Variants in TMCO6 observed in about 807,000 individuals in gnomAD.
The protein encoded by TMCO6 is transmembrane and coiled-coil domains 6, also known as transmembrane and coiled-coil domain-containing protein 6.
A neutral mutation model predicts 61.8 loss-of-function variants in TMCO6; 47 were observed. The observed-to-expected ratio is 0.76, with a 90% CI of 0.60 to 0.97. The LOEUF (loss-of-function observed/expected upper bound fraction) is 0.97, where lower values mean the gene tolerates loss of function less well. Among genes scored for constraint, TMCO6 ranks in the 50% least tolerant of loss-of-function variants. The probability of loss-of-function intolerance (pLI) is 0.00; values close to 1 mark genes in which losing one functional copy is unlikely to be tolerated. For synonymous variants in TMCO6, 261 were observed against 254.2 expected (o/e 1.03, Z -0.25); for missense variants, 557 against 601.6 (o/e 0.93, Z 0.78).
the TMCO6 span, among the ~76,000 whole-genome samples, chr5:140,612,334 CTTTTTTTTTT>C: frequency 0.25 from 27,960 of 112,514 alleles, 3,159 homozygotes; most frequent in East Asian, 0.33. Context: ...CTTGCCCAAT[CTTTTTTTTTT>C]TTTTTTTTTT....
At chr5:140,609,364 C>T in the TMCO6 span, 4 of 258,790 alleles carry the variant, frequency 1.5e-5, no homozygotes, top group African/African-American at 6.9e-5. Context: ...TGAGCAACAT[C>T]CTGGCCGCCA....
At chr5:140,612,332 A>G in the TMCO6 span, among the ~76,000 whole-genome samples, 3 of 113,696 alleles carry the variant, frequency 2.6e-5, no homozygotes, top group East Asian at 4.7e-4. Flanking sequence ...AACTTGCCCA[A>G]TCTTTTTTTT....
the TMCO6 span, chr5:140,633,177 A>C: frequency 2.2e-4 from 312 of 1,434,572 alleles, 2 homozygotes; most frequent in African/African-American, 3.6e-3. Flanking sequence ...CACACTTGTG[A>C]ACTCTTCGGC....
At chr5:140,600,085 C>T in the TMCO6 span, among the ~76,000 whole-genome samples, 1 of 152,118 alleles carries the variant, frequency 6.6e-6, no homozygotes, top group Non-Finnish European at 1.5e-5. Flanking sequence ...TTATGGAGCT[C>T]TTCCAGGCAC....
At chr5:140,644,822 A>C in intron 11 of TMCO6, 82 bp downstream of exon 11, 1 of 1,569,442 alleles carries the variant, frequency 6.4e-7, no homozygotes, top group Non-Finnish European at 8.7e-7. Flanking sequence ...TCCTAACTAT[A>C]GTTGTTTCTC....
At chr5:140,635,591 G>A (rs1238937309), upstream of TMCO6, among the ~76,000 whole-genome samples, 1 of 152,164 alleles carries the variant, frequency 6.6e-6, no homozygotes. Context: ...TTCAACAAAT[G>A]TCTATCATTT....
At chr5:140,603,086 A>G in the TMCO6 span, among the ~76,000 whole-genome samples, 1 of 151,990 alleles carries the variant, frequency 6.6e-6, no homozygotes, top group African/African-American at 2.4e-5. Context: ...TTGTGCAACC[A>G]TCACTTCTTT....
chr5:140,642,947 C>T lies in TMCO6; in HGVS notation c.712C>T (p.Pro238Ser). ...CAGCTCCATCTTGGCCTCCACTCTC[C>T]CTCAGCACATGCTACAAATGTTGCA... ...IIPSILASTLPQHMLQMLQPG... is the reference protein window; with the variant it reads ...IIPSILASTLSQHMLQMLQPG... The change falls in exon 7 of 12, where the codon CCT becomes TCT. Residue 238 changes from proline (P) to serine (S), a missense_variant. Coordinates refer to ENST00000394671, the MANE Select transcript of TMCO6 (RefSeq NM_018502.5). 1.9e-6 allele frequency: 3 copies of T among 1,614,206 alleles called. No homozygotes were observed. Among genetic ancestry groups the T allele is most frequent in the Non-Finnish European group, 2.5e-6 (3 of 1,180,028 alleles).
rs770999587 is a variant in TMCO6, at chr5:140,641,866, A to T, written c.315-4A>T. ...AAGCAGGGCTCTGGTACTCACTCAC[A>T]TAGGCTGGAGGGCAGCATGCGGACC... is the stretch of plus-strand genomic sequence containing the variant. On this transcript the variant is annotated splice_region_variant and splice_polypyrimidine_tract_variant and intron_variant, in intron 3 of 11. Coordinates refer to ENST00000394671, the MANE Select transcript of TMCO6 (RefSeq NM_018502.5). The T allele has an allele frequency of 6.2e-7, 1 of 1,613,160 alleles. No individual in the cohort carries two copies. The highest frequency in any genetic ancestry group is 8.5e-7 in the Non-Finnish European group (1 of 1,179,128).
At chr5:140,630,355 C>T in the TMCO6 span, among the ~76,000 whole-genome samples, 19 of 152,144 alleles carry the variant, frequency 1.2e-4, no homozygotes, top group East Asian at 2.5e-3. Flanking sequence ...ATCACCACTA[C>T]TGCCTTAGTC....
chr5:140,617,251 C>A, the TMCO6 span, among the ~76,000 whole-genome samples: 1 of 152,020 alleles, frequency 6.6e-6, no homozygotes, highest in Non-Finnish European at 1.5e-5. Flanking sequence ...CATGGTGAAA[C>A]CCCGTCTCTA....
At chr5:140,643,748 C>T (rs1306561369) in intron 8 of TMCO6, 32 bp from the exon 9 acceptor site, 3 of 1,610,568 alleles carry the variant, frequency 1.9e-6, no homozygotes, top group Non-Finnish European at 2.5e-6. Flanking sequence ...CCTCTTCCTT[C>T]TTACACCTGA....
intron 6 of TMCO6, 118 bp from the exon 7 acceptor site, chr5:140,642,807 A>C: frequency 1.3e-6 from 2 of 1,595,502 alleles, no homozygotes; most frequent in Non-Finnish European, 1.7e-6. Context: ...TTGGGTTTGG[A>C]CACTTTCCCA....
chr5:140,622,227 A>G, the TMCO6 span, among the ~76,000 whole-genome samples: 21 of 152,100 alleles, frequency 1.4e-4, no homozygotes, highest in African/African-American at 4.1e-4. Flanking sequence ...TCTGTTTTGT[A>G]CTGTCCCTTT....
the TMCO6 span, among the ~76,000 whole-genome samples, chr5:140,627,516 C>T: frequency 1.1e-4 from 16 of 152,150 alleles, no homozygotes. Context: ...TTAAAACTGT[C>T]TTTATTTCCC....
downstream of TMCO6, chr5:140,645,775 A>G: frequency 6.4e-7 from 1 of 1,572,426 alleles, no homozygotes; most frequent in Middle Eastern, 1.7e-4. Flanking sequence ...TCTTGTTAAG[A>G]CAGGAAGAGT....
chr5:140,617,737 A>C, the TMCO6 span, among the ~76,000 whole-genome samples: 21 of 138,584 alleles, frequency 1.5e-4, no homozygotes, highest in Middle Eastern at 3.4e-3. Context: ...CTGTCAAAAA[A>C]AAAAAAAAAA....
At chr5:140,618,832 A>G in the TMCO6 span, among the ~76,000 whole-genome samples, 1 of 152,252 alleles carries the variant, frequency 6.6e-6, no homozygotes, top group East Asian at 1.9e-4. Context: ...CTCAAAATGG[A>G]TAAGAGACCT....
chr5:140,639,915 T>C, intron 2 of TMCO6, 64 bp downstream of exon 2: 1 of 1,420,674 alleles, frequency 7.0e-7, no homozygotes, highest in Non-Finnish European at 9.7e-7. Flanking sequence ...CCGGGAGTAC[T>C]CGAGGTCTGC....
Sources: gnomAD v4.1 joint callset for allele counts (sites outside exome capture counted in the v4.1 genomes callset) on GRCh38, gnomAD v4.1.1 for gene constraint, MANE v1.5 for transcripts, NCBI Gene and HGNC (gene_info 2026-07-23, HGNC 2026-07-21) for gene names.